Variants in HCN3 observed in about 807,000 individuals in gnomAD.
HCN3 encodes the protein hyperpolarization activated cyclic nucleotide gated potassium channel 3.
A neutral mutation model predicts 56.8 loss-of-function variants in HCN3; 36 were observed. That is an observed-to-expected ratio of 0.63 (90% CI 0.49 to 0.84). The LOEUF (loss-of-function observed/expected upper bound fraction) is 0.84. Ranked by LOEUF, HCN3 falls within the 40% of genes least tolerant of loss-of-function variation. The pLI is 0.00. For missense variants in HCN3, 930 were observed against 1,079.3 expected, an observed-to-expected ratio of 0.86 and a Z score of 1.94; for synonymous variants, 425 against 439.7, an observed-to-expected ratio of 0.97 and a Z score of 0.42.
Position 155,288,453 on chromosome 1 carries a change from C to A in HCN3, c.2315C>A (p.Ala772Asp). The A allele has an allele frequency of 6.3e-7, 1 of 1,597,420 alleles. No individual in the cohort carries two copies. The highest frequency in any genetic ancestry group is 8.5e-7 in the Non-Finnish European group (1 of 1,172,780). The change falls in exon 8 of 8, where the codon GCC becomes GAC. Residue 772 changes from alanine to aspartate, a missense_variant. By Grantham distance (126) the Ala-to-Asp change is moderately radical (BLOSUM62 -2). Coordinates refer to ENST00000368358, the MANE Select transcript of HCN3 (RefSeq NM_020897.3). This position sits in a 1 kb window ranked among gnomAD's most constrained non-coding sequence, Gnocchi z 6.5. Reference protein sequence around the residue: ...PATPRGLQLSANM With the variant: ...PATPRGLQLSDNM Reference sequence around the variant, plus strand: ...ACACCCCGGGGTCTCCAGCTTTCTGCCAACATGTAAAACCTTTGAGTACAT... The same window carrying A: ...ACACCCCGGGGTCTCCAGCTTTCTGACAACATGTAAAACCTTTGAGTACAT...
rs756548166 is a variant in HCN3 at position 155,277,869 on chromosome 1, G to A, written c.278+1G>A. 6 of 1,611,288 alleles carry A rather than the reference G, an allele frequency of 3.7e-6. 1 individual carries two copies. The highest frequency in any genetic ancestry group is 4.5e-5 in the East Asian group (2 of 44,878). ...TCATCCACCCCTACAGCGACTTCCG[G>A]TATTGGGGGCTTGGCGGGGAGGGCA... is the stretch of plus-strand genomic sequence containing the variant. On this transcript the variant is annotated splice_donor_variant, in intron 1 of 7. Coordinates refer to ENST00000368358, the MANE Select transcript of HCN3 (RefSeq NM_020897.3). LOFTEE classifies it high-confidence loss of function.
At position 155,280,685 on chromosome 1, in the gene HCN3, A is replaced by G. The variant is rs958042467; in HGVS notation, c.279-1726A>G. Among the ~76,000 whole-genome samples the G allele has an allele frequency of 1.4e-4, 17 of 121,790 alleles. 1 individual carries two copies. The highest frequency in any genetic ancestry group is 1.3e-3 in the East Asian group (5 of 3,898). The allele number at this position is 121,790 out of a possible 152,430, so 79.9% of individuals were successfully genotyped here. A position where few individuals can be genotyped will look rare whatever the true frequency, so the allele number is the denominator to read the frequency against. ...AATCTCCTGACCTTGTGATCTGCCC[A>G]CCTTGGCCTCCCAAAGTGCTGGGAT... On this transcript the variant is annotated intron_variant, in intron 1 of 7. Transcript: ENST00000368358.
intron 1 of HCN3, among the ~76,000 whole-genome samples, chr1:155,279,400 G>A (rs1372779401): frequency 6.6e-6 from 1 of 152,204 alleles, no homozygotes; most frequent in African/African-American, 2.4e-5. Flanking sequence ...GACACAGGGA[G>A]GCCAGAGGAG....
In HCN3 at chr1:155,282,546, A is replaced by G. The variant is rs2148174649; in HGVS notation, c.414A>G (p.Leu138=). ...VFNVLSDTFF[L]LDLVLNFRTG... is the part of the protein sequence containing the mutation. Reference sequence around the variant, plus strand: ...ACGTATTGTCTGATACTTTCTTCCTACTGGATCTGGTGCTCAACTTCCGAA... The same window carrying G: ...ACGTATTGTCTGATACTTTCTTCCTGCTGGATCTGGTGCTCAACTTCCGAA... Residue 138 remains leucine, a synonymous_variant, in exon 2 of 8, where the codon CTA becomes CTG. Coordinates refer to ENST00000368358, the MANE Select transcript of HCN3 (RefSeq NM_020897.3). This position sits in a 1 kb window ranked among gnomAD's most constrained non-coding sequence, Gnocchi z 4.7. The G allele has an allele frequency of 6.2e-7, 1 of 1,614,152 alleles. No homozygotes were observed. Among genetic ancestry groups the G allele is most frequent in the Non-Finnish European group, 8.5e-7 (1 of 1,180,040 alleles).
chr1:155,285,269 T>C lies in HCN3; in HGVS notation c.1194T>C (p.Asp398=). 6.2e-7 allele frequency: 1 copy of C among 1,613,708 alleles called. No individual in the cohort carries two copies. Among genetic ancestry groups the C allele is most frequent in the Non-Finnish European group, 8.5e-7 (1 of 1,180,020 alleles). Residue 398 remains aspartate, a synonymous_variant, in exon 5 of 8, where the codon GAT becomes GAC. Coordinates refer to ENST00000368358, the MANE Select transcript of HCN3 (RefSeq NM_020897.3). This position sits in a 1 kb window ranked among gnomAD's most constrained non-coding sequence, Gnocchi z 4.5. ...ACCGCTACCAGGGCAAGATGTTCGATGAGGAAAGCATCCTGGGCGAGCTGA... is the reference window on the plus strand; with the variant it reads ...ACCGCTACCAGGGCAAGATGTTCGACGAGGAAAGCATCCTGGGCGAGCTGA... ...YEHRYQGKMF[D]EESILGELSE...
intron 6 of HCN3, 51 bp downstream of exon 6, chr1:155,286,015 G>A: frequency 2.0e-6 from 3 of 1,532,902 alleles, no homozygotes; most frequent in Non-Finnish European, 2.6e-6. Flanking sequence ...CAGTGGAGAG[G>A]GCAACTGCTC....
Position 155,282,423 on chromosome 1 carries a change from C to T in HCN3, c.291C>T (p.Asp97=), listed in dbSNP as rs1345802883. ...ACTCCCACCTTAGGTTTTACTGGGA[C>T]CTGATCATGCTGCTGCTGATGGTGG... ...HPYSDFRFYW[D]LIMLLLMVGN... Residue 97 remains aspartate (D), a synonymous_variant, in exon 2 of 8, where the codon GAC becomes GAT. Transcript: ENST00000368358. The surrounding 1 kb of genome is among the most constrained non-coding windows in gnomAD (Gnocchi z 4.7). The T allele has an allele frequency of 6.2e-7, 1 of 1,614,206 alleles. No individual in the cohort carries two copies.
At position 155,282,372 on chromosome 1, in the gene HCN3, A is replaced by G. The variant is rs2148174150; in HGVS notation, c.279-39A>G. ...CTGTCAGTCTAGTGGCTGGTGAAAT[A>G]TCCTCATGGTCTTACTCCTCATCTC... On this transcript the variant is annotated intron_variant, in intron 1 of 7. Coordinates refer to ENST00000368358, the MANE Select transcript of HCN3 (RefSeq NM_020897.3). The surrounding 1 kb of genome is among the most constrained non-coding windows in gnomAD (Gnocchi z 4.7). 5 of 1,590,446 alleles carry G rather than the reference A, an allele frequency of 3.1e-6. No individual in the cohort carries two copies. The highest frequency in any genetic ancestry group is 1.9e-4 in the Middle Eastern group (1 of 5,244).
At position 155,288,511 on chromosome 1, in the gene HCN3, A is replaced by G; in HGVS notation, c.*48A>G. ...TAGTTCTTGGGGTGCAGTAGTATGT[A>G]CCCAAGGGCAGATGCCTCTTGGGGA... On this transcript the variant is annotated 3_prime_UTR_variant, in exon 8 of 8. Transcript: ENST00000368358. This position sits in a 1 kb window ranked among gnomAD's most constrained non-coding sequence, Gnocchi z 6.5. 1.3e-6 allele frequency: 2 copies of G among 1,520,800 alleles called. No homozygotes were observed. Among genetic ancestry groups the G allele is most frequent in the South Asian group, 2.6e-5 (2 of 75,640 alleles). 94.2% of individuals were successfully genotyped at this position (1,520,800 alleles called of 1,614,324 possible).
rs1674242716 is a variant in HCN3 at position 155,285,403 on chromosome 1, G to T, written c.1236+92G>T. ...CTATTGGTCAGCAGGTGCTCCTATA[G>T]GGAATGAGGCCTGCAGAGGGCCCCG... On this transcript the variant is annotated intron_variant, in intron 5 of 7. Transcript: ENST00000368358. The surrounding 1 kb of genome is among the most constrained non-coding windows in gnomAD (Gnocchi z 4.5). 1 of 1,511,622 alleles carries T rather than the reference G, an allele frequency of 6.6e-7. No homozygotes were observed. The highest frequency in any genetic ancestry group is 2.1e-5 in the Admixed American group (1 of 48,184). 93.6% of individuals were successfully genotyped at this position (1,511,622 alleles called of 1,614,324 possible).
In HCN3 at chr1:155,277,731, G is replaced by A. The variant is rs1352229423; in HGVS notation, c.141G>A (p.Arg47=). The change falls in exon 1 of 8, where the codon AGG becomes AGA. Residue 47 remains arginine (R), a synonymous_variant. Transcript: ENST00000368358. ...AATCTGGGCCTGAGCCTAAGAGGAG[G>A]CACCTTGGGACGCTGCTCCAGCCTA... is the stretch of plus-strand genomic sequence containing the variant. ...IPKSGPEPKR[R]HLGTLLQPTV... The A allele has an allele frequency of 1.3e-6, 2 of 1,595,240 alleles. No homozygotes were observed. Among genetic ancestry groups the A allele is most frequent in the South Asian group, 2.3e-5 (2 of 88,452 alleles).
chr1:155,288,679 A>G lies in HCN3; in HGVS notation c.*216A>G. On this transcript the variant is annotated 3_prime_UTR_variant, in exon 8 of 8. Transcript: ENST00000368358. This position sits in a 1 kb window ranked among gnomAD's most constrained non-coding sequence, Gnocchi z 6.5. ...ATCATAATCCATTCACCCGTTCATC[A>G]TGTGTACTGAGCAGCTACCATGTTC... The G allele has an allele frequency of 4.9e-6, 3 of 613,794 alleles. No homozygotes were observed. Among genetic ancestry groups the G allele is most frequent in the Non-Finnish European group, 5.5e-6 (2 of 363,312 alleles). 38.0% of individuals were successfully genotyped at this position (613,794 alleles called of 1,614,324 possible). A position where few individuals can be genotyped will look rare whatever the true frequency, so the allele number is the denominator to read the frequency against.
In HCN3 at chr1:155,288,242, G is replaced by A. The variant is rs1176543866; in HGVS notation, c.2104G>A (p.Gly702Arg). Residue 702 changes from glycine to arginine, a missense_variant, in exon 8 of 8, where the codon GGA becomes AGA. Physicochemically the swap from Gly to Arg is moderately radical, Grantham distance 125. Transcript: ENST00000368358. This position sits in a 1 kb window ranked among gnomAD's most constrained non-coding sequence, Gnocchi z 6.5. ...SLLGPPPGGG[G>R]RRLGPRGRPL... ...GCTGGGTCCCCCTCCAGGAGGAGGT[G>A]GACGGCGGCTAGGACCTCGGGGCCG... 27 of 1,586,884 alleles carry A rather than the reference G, an allele frequency of 1.7e-5. No homozygotes were observed. The highest frequency in any genetic ancestry group is 4.0e-5 in the African/African-American group (3 of 74,474).
Position 155,277,851 on chromosome 1 carries a change from C to T in HCN3, c.261C>T (p.His87=), listed in dbSNP as rs1359132634. The T allele has an allele frequency of 6.2e-7, 1 of 1,612,076 alleles. No individual in the cohort carries two copies. Among genetic ancestry groups the T allele is most frequent in the Non-Finnish European group, 8.5e-7 (1 of 1,179,916 alleles). ...RVKSAGAWII[H]PYSDFRFYWD... is the part of the protein sequence containing the mutation. ...AGTCAGCGGGGGCCTGGATCATCCA[C>T]CCCTACAGCGACTTCCGGTATTGGG... Residue 87 remains histidine (H), a synonymous_variant, in exon 1 of 8, where the codon CAC becomes CAT. Coordinates refer to ENST00000368358, the MANE Select transcript of HCN3 (RefSeq NM_020897.3).
At chr1:155,278,008 G>A (rs1289161855) in intron 1 of HCN3, 140 bp downstream of exon 1, 4 of 1,093,180 alleles carry the variant, frequency 3.7e-6, no homozygotes, top group Non-Finnish European at 5.3e-6. Flanking sequence ...AGAGTCACTT[G>A]CACCAGTCTA....
At chr1:155,280,303 C>T (rs1233181560) in intron 1 of HCN3, among the ~76,000 whole-genome samples, 1 of 151,830 alleles carries the variant, frequency 6.6e-6, no homozygotes, top group Non-Finnish European at 1.5e-5. Flanking sequence ...GTCTCACTCT[C>T]GCCCAGGCTA....
chr1:155,284,783 G>GAGCAGTTTGAGT lies in HCN3; in HGVS notation c.1089+26_1089+27insAGCAGTTTGAGT. On this transcript the variant is annotated intron_variant, in intron 4 of 7. Coordinates refer to ENST00000368358, the MANE Select transcript of HCN3 (RefSeq NM_020897.3). This position sits in a 1 kb window ranked among gnomAD's most constrained non-coding sequence, Gnocchi z 4.3. ...GTCAGCAGGGACAGGAGAGGGAGGT[G>GAGCAGTTTGAGT]TGGCATGGAGGGGTGTTGGAGACTG... is the stretch of plus-strand genomic sequence containing the variant. 6.3e-7 allele frequency: 1 copy of GAGCAGTTTGAGT among 1,587,454 alleles called. No homozygotes were observed. The highest frequency in any genetic ancestry group is 1.7e-5 in the Admixed American group (1 of 58,002).
Position 155,282,870 on chromosome 1 carries a change from T to G in HCN3, c.708+30T>G, listed in dbSNP as rs1458468424. 37 of 330,750 alleles carry G rather than the reference T, an allele frequency of 1.1e-4. No homozygotes were observed. Among genetic ancestry groups the G allele is most frequent in the Admixed American group, 3.6e-4 (4 of 11,100 alleles). The allele number at this position is 330,750 out of a possible 1,614,324, so 20.5% of individuals were successfully genotyped here. A position where few individuals can be genotyped will look rare whatever the true frequency, so the allele number is the denominator to read the frequency against. On this transcript the variant is annotated intron_variant, in intron 2 of 7. Transcript: ENST00000368358. This position sits in a 1 kb window ranked among gnomAD's most constrained non-coding sequence, Gnocchi z 4.7. ...GGTGGGGAGATGGCGGGCGGGGCAGTGGGTGGGGGATGTTGGGGGAGAAGG... is the reference window on the plus strand; with the variant it reads ...GGTGGGGAGATGGCGGGCGGGGCAGGGGGTGGGGGATGTTGGGGGAGAAGG...
chr1:155,288,557 A>G lies in HCN3; in HGVS notation c.*94A>G. The stretch of plus-strand genomic sequence containing the variant: ...GGGGAAGGCCATGGGGACCTGAAAC[A>G]TTGCCCCATGGAAATGTCGACCCTG... On this transcript the variant is annotated 3_prime_UTR_variant, in exon 8 of 8. Coordinates refer to ENST00000368358, the MANE Select transcript of HCN3 (RefSeq NM_020897.3). The surrounding 1 kb of genome is among the most constrained non-coding windows in gnomAD (Gnocchi z 6.5). 1 of 1,454,384 alleles carries G rather than the reference A, an allele frequency of 6.9e-7. No homozygotes were observed. Among genetic ancestry groups the G allele is most frequent in the South Asian group, 1.4e-5 (1 of 73,034 alleles). 90.1% of individuals were successfully genotyped at this position (1,454,384 alleles called of 1,614,324 possible). A position where few individuals can be genotyped will look rare whatever the true frequency, so the allele number is the denominator to read the frequency against.
Sources: gnomAD v4.1 joint callset for allele counts (sites outside exome capture counted in the v4.1 genomes callset) on GRCh38, gnomAD v4.1.1 for gene constraint, Gnocchi (gnomAD v3.1) non-coding constraint, MANE v1.5 for transcripts, NCBI Gene and HGNC (gene_info 2026-07-23, HGNC 2026-07-21) for gene names.